NTN1: variants seen among roughly 807,000 people sequenced by gnomAD.
The protein encoded by NTN1 is netrin 1, also known as netrin-1.
A neutral mutation model predicts 54.2 loss-of-function variants in NTN1; 11 were observed. The observed-to-expected ratio is 0.20, with a 90% CI of 0.13 to 0.34. The LOEUF is 0.34. Among genes scored for constraint, NTN1 ranks in the 10% least tolerant of loss-of-function variants. The pLI is 1.00. For missense variants in NTN1, 740 were observed against 893.1 expected (o/e 0.83, Z 2.18); for synonymous variants, 371 against 382.0 (o/e 0.97, Z 0.33).
intron 3 of NTN1, among the ~76,000 whole-genome samples, chr17:9,178,191 C>A (rs970759620): frequency 2.0e-5 from 3 of 152,148 alleles, no homozygotes; most frequent in African/African-American, 7.2e-5. Context: ...GAGTGAAATC[C>A]ATCTCAAAAG....
chr17:9,123,607 AC>A (rs2092237485), intron 2 of NTN1, among the ~76,000 whole-genome samples: 1 of 151,944 alleles, frequency 6.6e-6, no homozygotes, highest in South Asian at 2.1e-4. Context: ...TTACGGTTTC[AC>A]TTTTTACATG....
intron 2 of NTN1, among the ~76,000 whole-genome samples, chr17:9,031,987 AAAAAG>A (rs1344899902): frequency 6.6e-6 from 1 of 151,934 alleles, no homozygotes; most frequent in Non-Finnish European, 1.5e-5. Flanking sequence ...GATAAAAAAA[AAAAAG>A]AAAAGAAATG....
chr17:9,098,117 T>A (rs1158303817), intron 2 of NTN1, among the ~76,000 whole-genome samples: 1 of 152,228 alleles, frequency 6.6e-6, no homozygotes, highest in Non-Finnish European at 1.5e-5. Context: ...GACGTTTCGC[T>A]CAGTTCTTTA....
intron 6 of NTN1, among the ~76,000 whole-genome samples, chr17:9,228,279 C>T (rs1003610320): frequency 2.8e-4 from 42 of 152,216 alleles, no homozygotes; most frequent in East Asian, 3.9e-4. Context: ...CAGGGCTCCT[C>T]GGTGGAGGGA....
At chr17:9,013,258 C>T in the NTN1 span, among the ~76,000 whole-genome samples, 11 of 149,638 alleles carry the variant, frequency 7.4e-5, no homozygotes, top group Non-Finnish European at 1.5e-4. Flanking sequence ...CTCTTGTCAC[C>T]CAGGCTGGAG....
rs1291317021 is a variant in NTN1 at position 9,219,600 on chromosome 17, T to C, written c.1412-1568T>C. 6.6e-6 allele frequency among the ~76,000 whole-genome samples: 1 copy of C among 152,206 alleles called. No individual in the cohort carries two copies. The highest frequency in any genetic ancestry group is 1.9e-4 in the East Asian group (1 of 5,194). ...CAGTCAATGTATCTCAGGACCTCGA[T>C]GGAGGCAGTGGCCTTCACAGGCCAG... On this transcript the variant is annotated intron_variant, in intron 5 of 6. Transcript: ENST00000173229. This position sits in a 1 kb window ranked among gnomAD's most constrained non-coding sequence, Gnocchi z 4.5.
At position 9,158,448 on chromosome 17, in the gene NTN1, G is replaced by A. The variant is rs1193172844; in HGVS notation, c.1019-4365G>A. On this transcript the variant is annotated intron_variant, in intron 2 of 6. Coordinates refer to ENST00000173229, the MANE Select transcript of NTN1 (RefSeq NM_004822.3). ...GTACAAGGGAGGCCTGAGGAAGTGA[G>A]GCCTGGGTGATCCTTCCAGATCCCT... 3.3e-5 allele frequency among the ~76,000 whole-genome samples: 5 copies of A among 152,196 alleles called. No homozygotes were observed. The South Asian group carries it at 8.3e-4, about 25-fold the overall frequency.
At chr17:9,003,600 C>A in the NTN1 span, among the ~76,000 whole-genome samples, 3 of 148,774 alleles carry the variant, frequency 2.0e-5, no homozygotes, top group Non-Finnish European at 3.0e-5. The surrounding 1 kb of genome is among the most constrained non-coding windows in gnomAD (Gnocchi z 7.4). Context: ...CCGGCCCTGC[C>A]GCGCCCGCGC....
chr17:9,222,507 A>T (rs186424681), intron 6 of NTN1, among the ~76,000 whole-genome samples: 4 of 152,330 alleles, frequency 2.6e-5, no homozygotes, highest in Non-Finnish European at 1.5e-5. Flanking sequence ...TGCTGAGTGT[A>T]TACGGGGAGG....
chr17:9,232,705 T>C (rs899042976), intron 6 of NTN1, among the ~76,000 whole-genome samples: 7 of 152,084 alleles, frequency 4.6e-5, no homozygotes, highest in African/African-American at 1.7e-4. Context: ...CCCTCTGCCT[T>C]GTTTGATATA....
rs570196668 is a variant in NTN1 at position 9,178,315 on chromosome 17, G to A, written c.1208-1492G>A. On this transcript the variant is annotated intron_variant, in intron 3 of 6. Transcript: ENST00000173229. ...GTAGGCTGCCCCCGTGCCAGGGCCT[G>A]TGCCCCCACCCTCCTCCCACCTGAT... 2.6e-5 allele frequency among the ~76,000 whole-genome samples: 4 copies of A among 152,326 alleles called. No homozygotes were observed. In the South Asian group the frequency reaches 8.3e-4, roughly 32 times the overall value.
chr17:9,042,091 C>T (rs1469887396), intron 2 of NTN1, among the ~76,000 whole-genome samples: 2 of 151,922 alleles, frequency 1.3e-5, no homozygotes, highest in Non-Finnish European at 2.9e-5. Context: ...TATACTGTTC[C>T]TAGGACCCTA....
chr17:9,029,385 G>A (rs1331474279), intron 2 of NTN1, among the ~76,000 whole-genome samples: 1 of 152,174 alleles, frequency 6.6e-6, no homozygotes, highest in African/African-American at 2.4e-5. Flanking sequence ...GGCACGTCTC[G>A]GCTTATTCTG....
chr17:9,117,069 C>T lies in NTN1; in HGVS notation c.1019-45744C>T, dbSNP rs114483648. On this transcript the variant is annotated intron_variant, in intron 2 of 6. Transcript: ENST00000173229. ...GGGCGGGGAGAGGAGCCTCTGGGAG[C>T]GACACCCGGGGAAGCTGTGAGGCGT... Among the ~76,000 whole-genome samples the T allele has an allele frequency of 9.2e-3, 1,393 of 152,144 alleles. 28 individuals are homozygous for T. The highest frequency in any genetic ancestry group is 0.032 in the African/African-American group (1,339 of 41,486).
chr17:9,084,051 G>A (rs894957828), intron 2 of NTN1, among the ~76,000 whole-genome samples: 3 of 152,128 alleles, frequency 2.0e-5, no homozygotes, highest in East Asian at 1.9e-4. Context: ...GATCATGTTA[G>A]CATTCTTTTA....
chr17:9,088,240 G>A (rs953413350), intron 2 of NTN1, among the ~76,000 whole-genome samples: 2 of 152,246 alleles, frequency 1.3e-5, no homozygotes, highest in East Asian at 1.9e-4. Context: ...GTGTCCATCT[G>A]CAAGTTGGCT....
At chr17:9,011,471 TC>T in the NTN1 span, among the ~76,000 whole-genome samples, 2 of 152,354 alleles carry the variant, frequency 1.3e-5, no homozygotes, top group East Asian at 3.9e-4. Context: ...TTAGAGTCCA[TC>T]CCGATATGCC....
chr17:9,163,096 C>A (rs1035763276), intron 3 of NTN1, 95 bp downstream of exon 3: 7 of 1,312,186 alleles, frequency 5.3e-6, no homozygotes, highest in Non-Finnish European at 7.3e-6. Context: ...TTCTTCCAGT[C>A]TGTACAAATT....
the NTN1 span, among the ~76,000 whole-genome samples, chr17:9,013,533 A>T: frequency 6.6e-6 from 1 of 151,982 alleles, no homozygotes; most frequent in African/African-American, 2.4e-5. Context: ...TTTTTCTATC[A>T]TCTTCACTGA....
Sources: allele counts gnomAD v4.1 joint callset (sites outside exome capture counted in the v4.1 genomes callset), GRCh38; gene constraint gnomAD v4.1.1; non-coding constraint Gnocchi (gnomAD v3.1); transcripts MANE v1.5; gene names NCBI Gene and HGNC (gene_info 2026-07-23, HGNC 2026-07-21).